NEGR1: variants seen among roughly 807,000 people sequenced by gnomAD.
The protein encoded by NEGR1 is IgLON family member 4.
NEGR1 carries 10 observed loss-of-function variants against 40.9 expected under a neutral mutation model. The ratio of observed to expected loss-of-function variants is 0.24; its 90% confidence interval spans 0.15 to 0.42. NEGR1 has a LOEUF of 0.42. Among genes scored for constraint, NEGR1 ranks in the 10% least tolerant of loss-of-function variants. NEGR1 has a pLI of 1.00. For synonymous variants in NEGR1, 185 were observed against 166.8 expected, an observed-to-expected ratio of 1.11 and a Z score of -0.84; for missense variants, 352 against 438.9, an observed-to-expected ratio of 0.80 and a Z score of 1.77.
chr1:71,954,746 A>C (rs868040107), intron 1 of NEGR1, among the ~76,000 whole-genome samples: 1 of 152,064 alleles, frequency 6.6e-6, no homozygotes, highest in African/African-American at 2.4e-5. Flanking sequence ...GAAATTAAAA[A>C]CACAAATCCA....
intron 2 of NEGR1, among the ~76,000 whole-genome samples, chr1:71,906,005 T>A (rs1372757275): frequency 1.3e-5 from 2 of 152,150 alleles, no homozygotes; most frequent in Non-Finnish European, 2.9e-5. Flanking sequence ...AATTAGGGAC[T>A]TTCCACCATA....
chr1:71,876,863 G>A (rs1660446387), intron 2 of NEGR1, among the ~76,000 whole-genome samples: 1 of 152,094 alleles, frequency 6.6e-6, no homozygotes, highest in African/African-American at 2.4e-5. Context: ...TAGGAAGGAT[G>A]AGTGATCGAA....
chr1:71,681,681 C>T (rs1652843417), intron 4 of NEGR1, among the ~76,000 whole-genome samples: 1 of 152,118 alleles, frequency 6.6e-6, no homozygotes, highest in Non-Finnish European at 1.5e-5. Context: ...TTGAATATTG[C>T]CTATTTCCCA....
chr1:71,782,700 T>C (rs1324317149), intron 2 of NEGR1, among the ~76,000 whole-genome samples: 3 of 152,156 alleles, frequency 2.0e-5, no homozygotes, highest in Non-Finnish European at 4.4e-5. Flanking sequence ...AGTGAAGAGA[T>C]CCTATAAAAT....
At chr1:72,157,349 T>C (rs1055875311) in intron 1 of NEGR1, among the ~76,000 whole-genome samples, 2 of 152,150 alleles carry the variant, frequency 1.3e-5, no homozygotes, top group African/African-American at 4.8e-5. Context: ...AAAAGTATTT[T>C]TATTCATACA....
At chr1:71,652,468 A>AT (rs1414752211) in intron 4 of NEGR1, among the ~76,000 whole-genome samples, 2 of 152,126 alleles carry the variant, frequency 1.3e-5, no homozygotes, top group Non-Finnish European at 2.9e-5. Context: ...CAGCACAGCC[A>AT]TTTTTTATAG....
At chr1:72,268,446 C>T (rs1272284211) in intron 1 of NEGR1, among the ~76,000 whole-genome samples, 6 of 151,340 alleles carry the variant, frequency 4.0e-5, no homozygotes, top group Admixed American at 6.6e-5. Context: ...TTTTGTAACA[C>T]ACAACAGTGT....
intron 1 of NEGR1, among the ~76,000 whole-genome samples, chr1:72,154,541 T>C (rs1406355434): frequency 1.3e-5 from 2 of 151,974 alleles, no homozygotes; most frequent in Non-Finnish European, 2.9e-5. Flanking sequence ...CCAATGCAAG[T>C]ACGAACTCAC....
chr1:71,979,619 G>A (rs527745786), intron 1 of NEGR1, among the ~76,000 whole-genome samples: 12 of 152,098 alleles, frequency 7.9e-5, no homozygotes, highest in East Asian at 1.9e-4. Context: ...CAAAGACAAC[G>A]GAAATAAATA....
intron 1 of NEGR1, among the ~76,000 whole-genome samples, chr1:72,155,712 G>C (rs1651333240): frequency 6.6e-6 from 1 of 151,976 alleles, no homozygotes; most frequent in Non-Finnish European, 1.5e-5. Flanking sequence ...GAATTTCAGA[G>C]AATAGACCTC....
At chr1:71,846,461 AT>A (rs906346790) in intron 2 of NEGR1, among the ~76,000 whole-genome samples, 7 of 148,792 alleles carry the variant, frequency 4.7e-5, no homozygotes, top group African/African-American at 1.7e-4. Context: ...TTGCTGACAC[AT>A]TTTCTAGGAA....
chr1:71,851,381 C>T (rs1659595891), intron 2 of NEGR1, among the ~76,000 whole-genome samples: 1 of 152,018 alleles, frequency 6.6e-6, no homozygotes, highest in South Asian at 2.1e-4. Context: ...TTGAGCACTG[C>T]CAGCAAGAGG....
Position 72,151,434 on chromosome 1 carries a change from G to A in NEGR1, c.176+130885C>T, listed in dbSNP as rs372980672. Among the ~76,000 whole-genome samples the A allele has an allele frequency of 7.1e-4, 107 of 151,368 alleles. No individual in the cohort carries two copies. The South Asian group carries it at 0.012, about 16-fold the overall frequency. ...AGGAATTTACACTCAATAGGTTTTTGGACAGATAAACAAGAAATGATAATA... is the reference window on the plus strand; with the variant it reads ...AGGAATTTACACTCAATAGGTTTTTAGACAGATAAACAAGAAATGATAATA... On this transcript the variant is annotated intron_variant, in intron 1 of 6. Coordinates refer to ENST00000357731, the MANE Select transcript of NEGR1 (RefSeq NM_173808.3).
At chr1:71,811,706 TTTA>T (rs1361591236) in intron 2 of NEGR1, among the ~76,000 whole-genome samples, 2 of 151,094 alleles carry the variant, frequency 1.3e-5, no homozygotes, top group Non-Finnish European at 3.0e-5. Context: ...TTTCAATTTG[TTTA>T]TTATTTCTTC....
At chr1:71,666,504 C>T (rs1275114796) in intron 4 of NEGR1, among the ~76,000 whole-genome samples, 1 of 152,048 alleles carries the variant, frequency 6.6e-6, no homozygotes, top group African/African-American at 2.4e-5. Context: ...ATCTTTATTT[C>T]AATTGAGGTA....
chr1:71,649,801 T>C (rs965361508), intron 4 of NEGR1, among the ~76,000 whole-genome samples: 14 of 152,126 alleles, frequency 9.2e-5, no homozygotes, highest in Non-Finnish European at 4.4e-5. Flanking sequence ...TAAATGCCAG[T>C]TGAGAACTCA....
chr1:72,177,026 A>T (rs1032780168), intron 1 of NEGR1, among the ~76,000 whole-genome samples: 3 of 152,104 alleles, frequency 2.0e-5, no homozygotes, highest in African/African-American at 7.2e-5. Flanking sequence ...TTCACATAAA[A>T]TGGAATGACT....
chr1:72,175,109 C>A (rs949470900), intron 1 of NEGR1, among the ~76,000 whole-genome samples: 1 of 151,766 alleles, frequency 6.6e-6, no homozygotes, highest in South Asian at 2.1e-4. Flanking sequence ...TAATGCTATC[C>A]CTCCCCCCTT....
Position 71,503,638 on chromosome 1 carries a change from G to C in NEGR1, c.940+89179C>G, listed in dbSNP as rs1215863690. Among the ~76,000 whole-genome samples the C allele has an allele frequency of 3.3e-5, 5 of 152,128 alleles. No individual in the cohort carries two copies. In the East Asian group the frequency reaches 9.7e-4, roughly 29 times the overall value. ...GTTGCCCCTTAGGGAAGTTCCCATA[G>C]ACAGGGAGAGATTGGCTTTGTAAGT... On this transcript the variant is annotated intron_variant, in intron 6 of 6. Transcript: ENST00000357731.
Sources: gnomAD v4.1 joint callset for allele counts (sites outside exome capture counted in the v4.1 genomes callset) on GRCh38, gnomAD v4.1.1 for gene constraint, MANE v1.5 for transcripts, NCBI Gene and HGNC (gene_info 2026-07-23, HGNC 2026-07-21) for gene names.